Variants in HS3ST4 observed in about 807,000 individuals in gnomAD.
The protein encoded by HS3ST4 is heparan sulfate-glucosamine 3-sulfotransferase 4.
In HS3ST4, 17 loss-of-function variants were observed where a neutral mutation model predicts 29.2. That is an observed-to-expected ratio of 0.58 (90% CI 0.40 to 0.87). The LOEUF (loss-of-function observed/expected upper bound fraction) is 0.87, where lower values mean the gene tolerates loss of function less well. HS3ST4 is among the 40% of genes least tolerant of loss of function. The probability of loss-of-function intolerance (pLI) is 0.00; values close to 1 mark genes in which losing one functional copy is unlikely to be tolerated. For missense variants in HS3ST4, 627 were observed against 634.5 expected, an observed-to-expected ratio of 0.99 and a Z score of 0.13; for synonymous variants, 314 against 285.7, an observed-to-expected ratio of 1.10 and a Z score of -1.00.
At chr16:26,028,259 T>C (rs1445315681) in intron 1 of HS3ST4, among the ~76,000 whole-genome samples, 18 of 112,822 alleles carry the variant, frequency 1.6e-4, no homozygotes, top group African/African-American at 5.9e-4. Context: ...GGTGACAGAG[T>C]GAGACACCGT....
intron 1 of HS3ST4, among the ~76,000 whole-genome samples, chr16:25,850,666 C>T (rs1383266538): frequency 6.6e-6 from 1 of 152,206 alleles, no homozygotes; most frequent in East Asian, 1.9e-4. Context: ...CTTGGTTCTG[C>T]AACTCCTTAC....
chr16:26,016,937 C>A (rs1252459340), intron 1 of HS3ST4, among the ~76,000 whole-genome samples: 1 of 152,110 alleles, frequency 6.6e-6, no homozygotes, highest in South Asian at 2.1e-4. Context: ...AGAGAAAGCC[C>A]ATATTACCTC....
intron 1 of HS3ST4, among the ~76,000 whole-genome samples, chr16:25,744,614 C>T (rs1966674458): frequency 1.3e-5 from 2 of 152,132 alleles, no homozygotes; most frequent in Admixed American, 6.6e-5. Flanking sequence ...ACTGGGACTC[C>T]AGCCACTGCA....
At chr16:25,895,640 G>A (rs1968054923) in intron 1 of HS3ST4, among the ~76,000 whole-genome samples, 1 of 152,078 alleles carries the variant, frequency 6.6e-6, no homozygotes, top group Admixed American at 6.5e-5. Flanking sequence ...GAAGTCCTAG[G>A]TCAAGACCCT....
rs376551780 is a variant in HS3ST4 at position 25,781,137 on chromosome 16, C to CACCT, written c.734+87991_734+87994dup. ...GTTGACTTCTCTCTGTCTTCTACCT[C>CACCT]ACCTACCTTCTGTCCTCTCCAGGAT... On this transcript the variant is annotated intron_variant, in intron 1 of 1. Coordinates refer to ENST00000331351, the MANE Select transcript of HS3ST4 (RefSeq NM_006040.3). 5.8e-3 allele frequency among the ~76,000 whole-genome samples: 887 copies of CACCT among 152,324 alleles called. 8 individuals carry two copies. Among genetic ancestry groups the CACCT allele is most frequent in the African/African-American group, 0.02 (851 of 41,568 alleles).
chr16:25,692,610 C>G lies in HS3ST4; in HGVS notation c.193C>G (p.Leu65Val). 1 of 1,383,940 alleles carries G rather than the reference C, an allele frequency of 7.2e-7. No homozygotes were observed. The highest frequency in any genetic ancestry group is 2.5e-5 in the Admixed American group (1 of 39,544). The allele number at this position is 1,383,940 out of a possible 1,614,324, so 85.7% of individuals were successfully genotyped here. ...GSGSLQFPLA[L>V]QESPGAAAEP... ...GGGCTCCCTGCAATTCCCTCTGGCG[C>G]TGCAGGAGTCGCCGGGCGCCGCCGC... is the stretch of plus-strand genomic sequence containing the variant. Residue 65 changes from leucine to valine, a missense_variant, in exon 1 of 2, where the codon CTG (leucine) becomes GTG (valine). By Grantham distance (32) the Leu-to-Val change is conservative. Around this residue, in one of 2 missense-constraint regions of HS3ST4, gnomAD observed 402 missense variants for 340.8 expected, o/e 1.18. Transcript: ENST00000331351.
At chr16:26,089,787 G>T (rs1477748078) in intron 1 of HS3ST4, among the ~76,000 whole-genome samples, 2 of 152,128 alleles carry the variant, frequency 1.3e-5, no homozygotes, top group Non-Finnish European at 2.9e-5. Context: ...GCACACATGG[G>T]CTCGTGGCCA....
At chr16:25,732,921 G>T (rs77368406) in intron 1 of HS3ST4, among the ~76,000 whole-genome samples, 1 of 152,028 alleles carries the variant, frequency 6.6e-6, no homozygotes, top group Non-Finnish European at 1.5e-5. Context: ...CCTGTGCCTA[G>T]CCCTGCTACA....
At chr16:25,848,386 C>T (rs769758088) in intron 1 of HS3ST4, among the ~76,000 whole-genome samples, 12 of 152,012 alleles carry the variant, frequency 7.9e-5, no homozygotes, top group African/African-American at 1.9e-4. Flanking sequence ...ATGATCCGTC[C>T]GCCTCAGCCT....
At chr16:26,083,860 A>G (rs1313588778) in intron 1 of HS3ST4, among the ~76,000 whole-genome samples, 1 of 152,232 alleles carries the variant, frequency 6.6e-6, no homozygotes, top group Non-Finnish European at 1.5e-5. Context: ...TGGACTGTGA[A>G]GTTGACATGG....
intron 1 of HS3ST4, among the ~76,000 whole-genome samples, chr16:25,714,746 C>T (rs190541162): frequency 2.0e-5 from 3 of 152,254 alleles, no homozygotes; most frequent in East Asian, 1.9e-4. Flanking sequence ...AAGTCTAGCT[C>T]GTTATTTGGT....
chr16:25,767,643 G>C (rs1285582466), intron 1 of HS3ST4, among the ~76,000 whole-genome samples: 1 of 152,208 alleles, frequency 6.6e-6, no homozygotes, highest in Non-Finnish European at 1.5e-5. Context: ...ACCAGAGGCT[G>C]AGAGTTTTTG....
chr16:25,774,446 C>T (rs1404018025), intron 1 of HS3ST4, among the ~76,000 whole-genome samples: 1 of 152,220 alleles, frequency 6.6e-6, no homozygotes, highest in Non-Finnish European at 1.5e-5. Context: ...AATTCAAACT[C>T]AAGTCTTCTG....
chr16:25,852,888 A>C (rs1216315443), intron 1 of HS3ST4, among the ~76,000 whole-genome samples: 1 of 152,120 alleles, frequency 6.6e-6, no homozygotes, highest in Non-Finnish European at 1.5e-5. Flanking sequence ...TTGTGTGTGC[A>C]ATGTGAAGGA....
At chr16:25,937,727 T>A (rs1968530799) in intron 1 of HS3ST4, among the ~76,000 whole-genome samples, 1 of 152,216 alleles carries the variant, frequency 6.6e-6, no homozygotes, top group African/African-American at 2.4e-5. Context: ...GATTGGGGCA[T>A]AGCTCTGATG....
intron 1 of HS3ST4, among the ~76,000 whole-genome samples, chr16:25,721,856 T>C (rs994222952): frequency 6.6e-6 from 1 of 152,220 alleles, no homozygotes; most frequent in African/African-American, 2.4e-5. Context: ...TGAAAGAGTA[T>C]TGGGTGCATT....
At chr16:25,837,852 T>A (rs1369671389) in intron 1 of HS3ST4, among the ~76,000 whole-genome samples, 1 of 152,188 alleles carries the variant, frequency 6.6e-6, no homozygotes, top group East Asian at 1.9e-4. Flanking sequence ...CGCATGTCAC[T>A]GAGGTTGGGT....
chr16:26,096,343 C>G (rs1898925611), intron 1 of HS3ST4, among the ~76,000 whole-genome samples: 1 of 152,176 alleles, frequency 6.6e-6, no homozygotes, highest in Admixed American at 6.5e-5. Context: ...CAAAAATCCT[C>G]AATAAAATAC....
chr16:25,917,568 T>C (rs1202362717), intron 1 of HS3ST4, among the ~76,000 whole-genome samples: 1 of 152,204 alleles, frequency 6.6e-6, no homozygotes, highest in Non-Finnish European at 1.5e-5. Flanking sequence ...TTAGGTGGAC[T>C]ATGTGGAGTG....
Sources: allele counts gnomAD v4.1 joint callset (sites outside exome capture counted in the v4.1 genomes callset), GRCh38; gene constraint gnomAD v4.1.1; regional missense constraint gnomAD v4.1.1; transcripts MANE v1.5; gene names NCBI Gene and HGNC (gene_info 2026-07-23, HGNC 2026-07-21).